Variants in ANK3 observed in about 807,000 individuals in gnomAD.
ANK3 encodes the protein ankyrin 3.
A neutral mutation model predicts 370.9 loss-of-function variants in ANK3; 57 were observed. That is an observed-to-expected ratio of 0.15 (90% CI 0.12 to 0.19). ANK3 has a LOEUF of 0.19. ANK3 is among the 10% of genes least tolerant of loss of function. ANK3 has a pLI of 1.00. For synonymous variants in ANK3, 1,929 were observed against 1,946.3 expected (o/e 0.99, Z 0.23); for missense variants, 4,439 against 5,302.1 (o/e 0.84, Z 5.06).
intron 2 of ANK3, among the ~76,000 whole-genome samples, chr10:60,592,221 C>CT (rs1297653380): frequency 5.3e-5 from 8 of 151,784 alleles, no homozygotes; most frequent in South Asian, 2.1e-4. Flanking sequence ...TACCCACAAG[C>CT]TTTTTTTAAT....
chr10:60,490,814 G>C (rs915819648), intron 2 of ANK3, among the ~76,000 whole-genome samples: 2 of 152,146 alleles, frequency 1.3e-5, no homozygotes, highest in Non-Finnish European at 2.9e-5. Flanking sequence ...AAAATGTACA[G>C]ATTCTAAGTG....
At chr10:60,717,527 A>G (rs1287804352) in intron 1 of ANK3, among the ~76,000 whole-genome samples, 1 of 152,156 alleles carries the variant, frequency 6.6e-6, no homozygotes, top group African/African-American at 2.4e-5. Flanking sequence ...AATAATAAAC[A>G]TATGTGAAAT....
intron 25 of ANK3, among the ~76,000 whole-genome samples, chr10:60,119,392 C>T (rs1055347319): frequency 5.3e-5 from 8 of 152,230 alleles, no homozygotes; most frequent in Middle Eastern, 3.2e-3. Context: ...TTTGTTCTGA[C>T]ATGTTACTGT....
chr10:60,034,274 T>A (rs565939304), intron 43 of ANK3, among the ~76,000 whole-genome samples: 1 of 152,126 alleles, frequency 6.6e-6, no homozygotes, highest in African/African-American at 2.4e-5. Flanking sequence ...GCCTGGCTAA[T>A]TTTTTGCATT....
intron 1 of ANK3, among the ~76,000 whole-genome samples, chr10:60,352,870 G>C (rs188785536): frequency 6.6e-6 from 1 of 152,250 alleles, no homozygotes; most frequent in East Asian, 1.9e-4. Flanking sequence ...TGTATTTAGC[G>C]TGAGTAAATG....
At chr10:60,054,184 T>C (rs1487774703) in intron 42 of ANK3, among the ~76,000 whole-genome samples, 1 of 152,204 alleles carries the variant, frequency 6.6e-6, no homozygotes, top group Non-Finnish European at 1.5e-5. Context: ...TTAACAGGCT[T>C]TTGCAGAATA....
At chr10:60,527,772 AATGCAATCTAAATG>A (rs1389437006) in intron 2 of ANK3, among the ~76,000 whole-genome samples, 5 of 152,164 alleles carry the variant, frequency 3.3e-5, no homozygotes, top group African/African-American at 1.2e-4. Context: ...GCTCTCTTGC[AATGCAATCTAAATG>A]AAGGGTGGAT....
chr10:60,660,646 C>T (rs763225994), intron 1 of ANK3, among the ~76,000 whole-genome samples: 20 of 151,848 alleles, frequency 1.3e-4, no homozygotes, highest in South Asian at 2.1e-4. Flanking sequence ...GGCAGAAATG[C>T]GATGGAATAG....
chr10:60,709,013 C>T (rs1388230158), intron 1 of ANK3, among the ~76,000 whole-genome samples: 1 of 152,150 alleles, frequency 6.6e-6, no homozygotes, highest in Non-Finnish European at 1.5e-5. Flanking sequence ...CAAAACCTCA[C>T]AATAAAGGCC....
At chr10:60,370,147 C>A (rs1352459459) in intron 1 of ANK3, among the ~76,000 whole-genome samples, 1 of 152,106 alleles carries the variant, frequency 6.6e-6, no homozygotes, top group Non-Finnish European at 1.5e-5. Flanking sequence ...ACAAGTGAAA[C>A]CTAGTCCATG....
intron 9 of ANK3, among the ~76,000 whole-genome samples, chr10:60,212,952 C>T (rs937039710): frequency 1.9e-4 from 29 of 152,174 alleles, no homozygotes; most frequent in African/African-American, 7.0e-4. Flanking sequence ...TGTCAACATT[C>T]CCAAAAGCCC....
At chr10:60,562,048 T>G (rs1308910687) in intron 2 of ANK3, among the ~76,000 whole-genome samples, 1 of 152,220 alleles carries the variant, frequency 6.6e-6, no homozygotes, top group African/African-American at 2.4e-5. Context: ...AAGGAATCAA[T>G]GGTATGGCAC....
intron 23 of ANK3, chr10:60,144,149 C>A: frequency 2.4e-6 from 1 of 415,114 alleles, no homozygotes; most frequent in South Asian, 1.7e-5. Context: ...CCCCGATTAA[C>A]TCACAGAACC....
chr10:60,719,953 T>C (rs2079840997), intron 1 of ANK3, among the ~76,000 whole-genome samples: 1 of 152,194 alleles, frequency 6.6e-6, no homozygotes, highest in Non-Finnish European at 1.5e-5. Context: ...GAAGAGAGAT[T>C]AGCTTCATTT....
At chr10:60,565,643 A>G (rs2077442382) in intron 2 of ANK3, among the ~76,000 whole-genome samples, 1 of 152,204 alleles carries the variant, frequency 6.6e-6, no homozygotes, top group Admixed American at 6.5e-5. Flanking sequence ...ACCATTGCTT[A>G]GATTCATAAG....
intron 2 of ANK3, among the ~76,000 whole-genome samples, chr10:60,555,911 A>G (rs192479283): frequency 1.1e-3 from 163 of 152,316 alleles, no homozygotes; most frequent in Non-Finnish European, 2.2e-3. Context: ...AAGGCAGTAA[A>G]TAATTGTTTG....
chr10:60,709,780 A>G (rs2079675652), intron 1 of ANK3, among the ~76,000 whole-genome samples: 1 of 150,966 alleles, frequency 6.6e-6, no homozygotes, highest in African/African-American at 2.4e-5. Flanking sequence ...GTGAGCCATG[A>G]TTGCGCCACT....
chr10:60,235,064 A>G (rs185723842), intron 7 of ANK3, among the ~76,000 whole-genome samples: 3 of 152,300 alleles, frequency 2.0e-5, no homozygotes, highest in Admixed American at 6.5e-5. Context: ...TTTTTGCTCA[A>G]AAGTCCTGCA....
chr10:60,669,263 G>A (rs935686382), intron 1 of ANK3, among the ~76,000 whole-genome samples: 5 of 152,178 alleles, frequency 3.3e-5, no homozygotes, highest in South Asian at 4.1e-4. Context: ...GAAGTGCAGC[G>A]CTAAATAACT....
Sources: allele counts gnomAD v4.1 joint callset (sites outside exome capture counted in the v4.1 genomes callset), GRCh38; gene constraint gnomAD v4.1.1; transcripts MANE v1.5; gene names NCBI Gene and HGNC (gene_info 2026-07-23, HGNC 2026-07-21).